The following PCDHGA7 variants were observed in gnomAD, a reference collection of about 807,000 sequenced individuals.
PCDHGA7 encodes protocadherin gamma-A7.
PCDHGA7 carries 44 observed loss-of-function variants against 58.3 expected under a neutral mutation model. That is an observed-to-expected ratio of 0.75 (90% CI 0.59 to 0.97). The LOEUF is 0.97. Ranked by LOEUF, PCDHGA7 falls within the 50% of genes least tolerant of loss-of-function variation. PCDHGA7 has a pLI of 0.00. For synonymous variants in PCDHGA7, 516 were observed against 504.2 expected (o/e 1.02, Z -0.31); for missense variants, 1,266 against 1,188.7 (o/e 1.06, Z -0.96).
chr5:141,464,260 G>A (rs546781463), intron 1 of PCDHGA7, among the ~76,000 whole-genome samples: 1 of 131,668 alleles, frequency 7.6e-6, no homozygotes, highest in Non-Finnish European at 1.6e-5. Flanking sequence ...GCGAGACTCC[G>A]TCTAAAAAAA....
intron 1 of PCDHGA7, chr5:141,423,431 G>T: frequency 6.2e-7 from 1 of 1,614,010 alleles, no homozygotes; most frequent in South Asian, 1.1e-5. Context: ...GGGTTGGCAG[G>T]TATGCCCACG....
intron 3 of PCDHGA7, among the ~76,000 whole-genome samples, chr5:141,509,050 C>T (rs867585045): frequency 1.6e-4 from 25 of 152,304 alleles, no homozygotes; most frequent in Admixed American, 5.2e-4. Flanking sequence ...CCCCCGCCCC[C>T]AGAAAGCTCT....
chr5:141,467,129 T>G (rs2099137740), intron 1 of PCDHGA7, among the ~76,000 whole-genome samples: 1 of 151,826 alleles, frequency 6.6e-6, no homozygotes, highest in Non-Finnish European at 1.5e-5. Context: ...CTCAGCTCAC[T>G]GCAACCTCTG....
At chr5:141,470,022 G>C (rs892106953) in intron 1 of PCDHGA7, among the ~76,000 whole-genome samples, 2 of 152,070 alleles carry the variant, frequency 1.3e-5, no homozygotes, top group African/African-American at 4.8e-5. Context: ...CCAGCTACTC[G>C]GGATGCTGAG....
intron 1 of PCDHGA7, chr5:141,428,441 G>C: frequency 2.6e-6 from 1 of 389,280 alleles, no homozygotes; most frequent in Non-Finnish European, 4.9e-6. Context: ...ACTAGACCAG[G>C]GGTTTTTCCC....
At chr5:141,439,190 C>CA (rs200519543) in intron 1 of PCDHGA7, among the ~76,000 whole-genome samples, 17,650 of 111,626 alleles carry the variant, frequency 0.16, 1,295 homozygotes, top group African/African-American at 0.25. Context: ...GAGACTCTGA[C>CA]AAAAAAAAAA....
At position 141,422,030 on chromosome 5, in the gene PCDHGA7, C is replaced by T. The variant is rs1404612424; in HGVS notation, c.2424+36707C>T. ...ACTCGGGTGCTGATGGTTAATGCAA[C>T]GGATCCAGACGAGGGAATCAACGGG... On this transcript the variant is annotated intron_variant, in intron 1 of 3. Coordinates refer to ENST00000518325, the MANE Select transcript of PCDHGA7 (RefSeq NM_018920.4). 3 of 1,609,592 alleles carry T rather than the reference C, an allele frequency of 1.9e-6. No homozygotes were observed. The South Asian group carries it at 3.3e-5, about 18-fold the overall frequency.
At chr5:141,441,494 ACCAGG>A (rs1325946941) in intron 1 of PCDHGA7, 1 of 170,360 alleles carries the variant, frequency 5.9e-6, no homozygotes, top group Non-Finnish European at 1.3e-5. Flanking sequence ...CTGGTTTTCT[ACCAGG>A]CCTCCTACGT....
intron 1 of PCDHGA7, among the ~76,000 whole-genome samples, chr5:141,475,299 T>C (rs1227132122): frequency 6.6e-6 from 1 of 152,204 alleles, no homozygotes; most frequent in Non-Finnish European, 1.5e-5. Context: ...AAATTTCTTA[T>C]TGCTCCCTGG....
intron 1 of PCDHGA7, chr5:141,415,772 T>TTA: frequency 7.5e-7 from 1 of 1,332,978 alleles, no homozygotes; most frequent in Non-Finnish European, 9.6e-7. Flanking sequence ...TTTTTTTTTT[T>TTA]ACTTTCTGGT....
chr5:141,427,832 T>C, intron 1 of PCDHGA7: 1 of 1,540,264 alleles, frequency 6.5e-7, no homozygotes, highest in Non-Finnish European at 8.9e-7. Flanking sequence ...TCGCGCAGCG[T>C]GCCTTCGACC....
At chr5:141,395,389 G>A in intron 1 of PCDHGA7, 1 of 986,786 alleles carries the variant, frequency 1.0e-6, no homozygotes, top group South Asian at 1.8e-5. Context: ...CTATAAAATT[G>A]AACTCTAATA....
chr5:141,410,561 G>T (rs201832666), intron 1 of PCDHGA7: 171 of 1,612,580 alleles, frequency 1.1e-4, no homozygotes, highest in Admixed American at 2.7e-4. Context: ...TTCTCCTGGA[G>T]CCTTAATTCC....
intron 1 of PCDHGA7, among the ~76,000 whole-genome samples, chr5:141,472,980 C>CA (rs60579131): frequency 0.042 from 3,623 of 85,966 alleles, 71 homozygotes; most frequent in South Asian, 0.079. Context: ...GAGTGAAACT[C>CA]AAAAAAAAAA....
intron 1 of PCDHGA7, among the ~76,000 whole-genome samples, chr5:141,464,794 A>C (rs2154568597): frequency 6.6e-6 from 1 of 152,128 alleles, no homozygotes; most frequent in East Asian, 1.9e-4. Flanking sequence ...GCCAAATTGC[A>C]GTGATGCAGT....
At chr5:141,400,003 C>G (rs2093938557) in intron 1 of PCDHGA7, 1 of 1,612,278 alleles carries the variant, frequency 6.2e-7, no homozygotes, top group Non-Finnish European at 8.5e-7. Context: ...GCGCACAGCG[C>G]GTGCCTTGGG....
At chr5:141,430,379 T>C (rs1174248880) in intron 1 of PCDHGA7, among the ~76,000 whole-genome samples, 1 of 149,570 alleles carries the variant, frequency 6.7e-6, no homozygotes, top group Non-Finnish European at 1.5e-5. Flanking sequence ...AAAAAGCTCA[T>C]TGGGAAAAAA....
At chr5:141,422,149 C>G in intron 1 of PCDHGA7, 1 of 1,577,238 alleles carries the variant, frequency 6.3e-7, no homozygotes. Context: ...ACGGGGGTCT[C>G]TGGATTTTGA....
At chr5:141,465,494 G>C (rs2099104306) in intron 1 of PCDHGA7, among the ~76,000 whole-genome samples, 1 of 152,204 alleles carries the variant, frequency 6.6e-6, no homozygotes, top group African/African-American at 2.4e-5. Context: ...ATGAGCGGGA[G>C]CATTGTCGTG....
Sources: allele counts gnomAD v4.1 joint callset (sites outside exome capture counted in the v4.1 genomes callset), GRCh38; gene constraint gnomAD v4.1.1; transcripts MANE v1.5; gene names NCBI Gene and HGNC (gene_info 2026-07-23, HGNC 2026-07-21).